Variants in PKNOX2 observed in about 807,000 individuals in gnomAD.
The protein encoded by PKNOX2 is PBX/knotted 1 homeobox 2.
Under a neutral mutation model 53.1 loss-of-function variants are expected in PKNOX2, and 14 were observed. The ratio of observed to expected loss-of-function variants is 0.26; its 90% CI spans 0.17 to 0.41. The LOEUF (loss-of-function observed/expected upper bound fraction) is 0.41, where lower values mean the gene tolerates loss of function less well. Among genes scored for constraint, PKNOX2 ranks in the 10% least tolerant of loss-of-function variants. PKNOX2 has a pLI of 1.00. For missense variants in PKNOX2, 496 were observed against 602.8 expected (o/e 0.82, Z 1.85); for synonymous variants, 257 against 242.8 (o/e 1.06, Z -0.54).
intron 3 of PKNOX2, among the ~76,000 whole-genome samples, chr11:125,343,613 A>T (rs1168590818): frequency 6.6e-6 from 1 of 152,206 alleles, no homozygotes; most frequent in African/African-American, 2.4e-5. Flanking sequence ...CCTCGGTAGG[A>T]AGATCTAATG....
At chr11:125,340,565 C>A (rs779572534) in intron 3 of PKNOX2, among the ~76,000 whole-genome samples, 2 of 152,190 alleles carry the variant, frequency 1.3e-5, no homozygotes, top group African/African-American at 4.8e-5. Context: ...ACCAGGTGAC[C>A]CGTATCTACT....
At chr11:125,299,838 G>T (rs1008658054) in intron 2 of PKNOX2, among the ~76,000 whole-genome samples, 1 of 152,130 alleles carries the variant, frequency 6.6e-6, no homozygotes, top group Non-Finnish European at 1.5e-5. Flanking sequence ...AGCCAGAAGC[G>T]ACCGTGGGGC....
At chr11:125,378,736 CTG>C (rs965062219) in intron 5 of PKNOX2, among the ~76,000 whole-genome samples, 4 of 152,212 alleles carry the variant, frequency 2.6e-5, no homozygotes, top group Admixed American at 2.6e-4. Context: ...AGTGGCATGA[CTG>C]TGAATCACAA....
intron 10 of PKNOX2, among the ~76,000 whole-genome samples, chr11:125,419,164 C>T (rs766432561): frequency 1.3e-5 from 2 of 151,914 alleles, no homozygotes; most frequent in African/African-American, 2.4e-5. Context: ...TTTTCACCAC[C>T]CCCTCTACCT....
chr11:125,410,805 A>G lies in PKNOX2; in HGVS notation c.745A>G (p.Met249Val), dbSNP rs1955461785. 6.2e-7 allele frequency: 1 copy of G among 1,614,000 alleles called. No individual in the cohort carries two copies. The highest frequency in any genetic ancestry group is 1.1e-5 in the South Asian group (1 of 91,064). Reference sequence around the variant, plus strand: ...TGGAGCCTTATACCAACCGGTTACCATGGTAACCTCCCAGGGTCAGGTGGT... The same window carrying G: ...TGGAGCCTTATACCAACCGGTTACCGTGGTAACCTCCCAGGGTCAGGTGGT... The part of the protein sequence containing the change: ...SGGALYQPVT[M>V]VTSQGQVVTQ... Residue 249 changes from methionine (M) to valine (V), a missense_variant, in exon 9 of 13, where the codon ATG (methionine) becomes GTG (valine). This residue lies in a region of PKNOX2 where 141 missense variants were observed against 143.9 expected (regional missense o/e 0.98). Transcript: ENST00000298282.
intron 1 of PKNOX2, among the ~76,000 whole-genome samples, chr11:125,214,666 C>G (rs1940271949): frequency 6.6e-6 from 1 of 152,108 alleles, no homozygotes; most frequent in South Asian, 2.1e-4. Context: ...TCTGCACCAT[C>G]AATCAGGCAA....
intron 6 of PKNOX2, among the ~76,000 whole-genome samples, chr11:125,388,227 A>T (rs139737297): frequency 6.6e-6 from 1 of 152,236 alleles, no homozygotes; most frequent in African/African-American, 2.4e-5. Flanking sequence ...AACAAGAATC[A>T]TGTAGCCAGC....
intron 2 of PKNOX2, among the ~76,000 whole-genome samples, chr11:125,301,079 A>T (rs1387499324): frequency 6.6e-6 from 1 of 152,206 alleles, no homozygotes; most frequent in East Asian, 1.9e-4. Flanking sequence ...AATGTGCTGT[A>T]CAAGTTGAGA....
chr11:125,312,742 C>T (rs1403914278), intron 2 of PKNOX2, among the ~76,000 whole-genome samples: 2 of 152,174 alleles, frequency 1.3e-5, no homozygotes, highest in Non-Finnish European at 2.9e-5. Context: ...ATTCAGCGGG[C>T]TCAGCAGCAC....
At chr11:125,429,631 C>T (rs1261289285) in intron 11 of PKNOX2, among the ~76,000 whole-genome samples, 2 of 152,176 alleles carry the variant, frequency 1.3e-5, no homozygotes, top group Non-Finnish European at 2.9e-5. Flanking sequence ...GCTGAGGGCC[C>T]TGATCCGAGC....
chr11:125,273,191 G>C (rs1409806344), intron 2 of PKNOX2, among the ~76,000 whole-genome samples: 1 of 152,218 alleles, frequency 6.6e-6, no homozygotes, highest in East Asian at 1.9e-4. Context: ...GTTTACCTTT[G>C]CAGCCCACTG....
intron 2 of PKNOX2, among the ~76,000 whole-genome samples, chr11:125,306,339 C>A (rs972218401): frequency 1.2e-4 from 19 of 152,166 alleles, no homozygotes; most frequent in African/African-American, 4.3e-4. Flanking sequence ...ACCAGGGCAG[C>A]CCCCCACCCC....
rs547496917 is a variant in PKNOX2 at position 125,194,302 on chromosome 11, C to T, written c.-201+29526C>T. Among the ~76,000 whole-genome samples the T allele has an allele frequency of 9.3e-4, 142 of 152,308 alleles. 1 individual carries two copies. Among genetic ancestry groups the T allele is most frequent in the South Asian group, 7.9e-3 (38 of 4,824 alleles). ...CCCCACCCCAGGCCGGCTCCCATTG[C>T]GGCCTTTCTTGAGAGCAATAATCCT... On this transcript the variant is annotated intron_variant, in intron 1 of 12. Coordinates refer to ENST00000298282, the MANE Select transcript of PKNOX2 (RefSeq NM_001382323.2).
rs1465071203 is a variant in PKNOX2, at chr11:125,165,372, G to T, written c.-201+596G>T. 1.3e-5 allele frequency among the ~76,000 whole-genome samples: 2 copies of T among 152,124 alleles called. No individual in the cohort carries two copies. Among genetic ancestry groups the T allele is most frequent in the Non-Finnish European group, 2.9e-5 (2 of 68,010 alleles). On this transcript the variant is annotated intron_variant, in intron 1 of 12. Transcript: ENST00000298282. This position sits in a 1 kb window ranked among gnomAD's most constrained non-coding sequence, Gnocchi z 4.5. ...GGCTCCCGGCCGGGCGCTCCGCGGGGAGAGGCTGGGAACCGCGGGCAGGCT... is the reference window on the plus strand; with the variant it reads ...GGCTCCCGGCCGGGCGCTCCGCGGGTAGAGGCTGGGAACCGCGGGCAGGCT...
Position 125,390,908 on chromosome 11 carries a change from A to G in PKNOX2, c.399+5186A>G, listed in dbSNP as rs561253922. On this transcript the variant is annotated intron_variant, in intron 6 of 12. Coordinates refer to ENST00000298282, the MANE Select transcript of PKNOX2 (RefSeq NM_001382323.2). ...GGCAGTTCTCCAATCACTGGTATTC[A>G]CCTTTTTTTCATGTCCCATTTTTTG... Among the ~76,000 whole-genome samples the G allele has an allele frequency of 1.9e-4, 29 of 152,104 alleles. No individual in the cohort carries two copies. The South Asian group carries it at 6.0e-3, about 32-fold the overall frequency.
chr11:125,243,217 G>A (rs376580454), intron 2 of PKNOX2, among the ~76,000 whole-genome samples: 1 of 152,198 alleles, frequency 6.6e-6, no homozygotes, highest in African/African-American at 2.4e-5. Context: ...GGCCTGATTT[G>A]AACTCTGGGA....
intron 2 of PKNOX2, among the ~76,000 whole-genome samples, chr11:125,278,095 T>C (rs1372868372): frequency 6.6e-6 from 1 of 152,074 alleles, no homozygotes; most frequent in Admixed American, 6.5e-5. Flanking sequence ...GGCCCATGCC[T>C]ATAGTCTCAG....
chr11:125,245,775 A>G (rs1258423965), intron 2 of PKNOX2, among the ~76,000 whole-genome samples: 1 of 152,252 alleles, frequency 6.6e-6, no homozygotes, highest in Non-Finnish European at 1.5e-5. Flanking sequence ...AGGTTGCTGA[A>G]GGGACCTTAG....
Position 125,367,978 on chromosome 11 carries a change from G to A in PKNOX2, c.220G>A (p.Val74Ile). 6.2e-7 allele frequency: 1 copy of A among 1,612,714 alleles called. No homozygotes were observed. The highest frequency in any genetic ancestry group is 1.1e-5 in the South Asian group (1 of 90,828). Residue 74 changes from valine (V) to isoleucine (I), a missense_variant, in exon 5 of 13, where the codon GTA (valine) becomes ATA (isoleucine). By Grantham distance (29) the Val-to-Ile change is conservative. Around this residue, in one of 5 missense-constraint regions of PKNOX2, gnomAD observed 168 missense variants for 178.4 expected, o/e 0.94. Transcript: ENST00000298282. Reference sequence around the variant, plus strand: ...CCAGCTGGAGGCTGACAAGCGAGCTGTATACAGGTAGGAGACACTTCAGCT... The same window carrying A: ...CCAGCTGGAGGCTGACAAGCGAGCTATATACAGGTAGGAGACACTTCAGCT... ...QAQLEADKRA[V>I]YRHPLFPLLT... is the part of the protein sequence containing the mutation.
Sources: allele counts gnomAD v4.1 joint callset (sites outside exome capture counted in the v4.1 genomes callset), GRCh38; gene constraint gnomAD v4.1.1; regional missense constraint gnomAD v4.1.1; non-coding constraint Gnocchi (gnomAD v3.1); transcripts MANE v1.5; gene names NCBI Gene and HGNC (gene_info 2026-07-23, HGNC 2026-07-21).